CDKL3: variants seen among roughly 807,000 people sequenced by gnomAD.
CDKL3 encodes cyclin dependent kinase like 3.
CDKL3 carries 65 observed loss-of-function variants against 69.3 expected under a neutral mutation model. That is an observed-to-expected ratio of 0.94 (90% CI 0.77 to 1.15). CDKL3 has a LOEUF of 1.15. Ranked by LOEUF, CDKL3 falls within the 50% of genes most tolerant of loss-of-function variation. CDKL3 has a pLI of 0.00. For missense variants in CDKL3, 652 were observed against 689.2 expected, an observed-to-expected ratio of 0.95 and a Z score of 0.61; for synonymous variants, 202 against 221.6, an observed-to-expected ratio of 0.91 and a Z score of 0.79.
At chr5:134,304,810 C>T (rs1028930001) in intron 10 of CDKL3, among the ~76,000 whole-genome samples, 5 of 140,906 alleles carry the variant, frequency 3.5e-5, no homozygotes, top group Admixed American at 2.9e-4. Flanking sequence ...TCATGAGAAC[C>T]ACAATAATAA....
At chr5:134,371,532 G>C (rs1758410259), upstream of CDKL3, 4 of 1,577,710 alleles carry the variant, frequency 2.5e-6, no homozygotes, top group South Asian at 2.3e-5. Flanking sequence ...CCGCCGCGCC[G>C]GGGGGTGGGG....
At chr5:134,309,624 A>T (rs1768850589) in intron 7 of CDKL3, among the ~76,000 whole-genome samples, 1 of 152,174 alleles carries the variant, frequency 6.6e-6, no homozygotes, top group Non-Finnish European at 1.5e-5. Flanking sequence ...CCCCTCCTTG[A>T]AGCAGCTACA....
chr5:134,308,108 T>C, intron 9 of CDKL3, 30 bp downstream of exon 9: 1 of 1,572,880 alleles, frequency 6.4e-7, no homozygotes. Context: ...AATGTTGTAT[T>C]ATTTAGGTTT....
At chr5:134,299,636 G>C in intron 12 of CDKL3, 1 of 1,482,742 alleles carries the variant, frequency 6.7e-7, no homozygotes, top group Non-Finnish European at 9.0e-7. Context: ...TTAATAAAAA[G>C]GATTTTTAAA....
upstream of CDKL3, chr5:134,367,363 T>G: frequency 1.1e-6 from 1 of 887,444 alleles, no homozygotes. Flanking sequence ...AGGAAGGATC[T>G]GCATCTTTTT....
At chr5:134,306,403 G>A (rs1366362262) in intron 10 of CDKL3, among the ~76,000 whole-genome samples, 1 of 151,966 alleles carries the variant, frequency 6.6e-6, no homozygotes, top group Non-Finnish European at 1.5e-5. Flanking sequence ...AGGCTGAGGT[G>A]GGAGCATTGC....
chr5:134,350,104 C>T (rs1752896466), intron 4 of CDKL3, 145 bp downstream of exon 4: 10 of 553,194 alleles, frequency 1.8e-5, no homozygotes, highest in Non-Finnish European at 3.1e-5. Flanking sequence ...AGGAGAATTG[C>T]TTGAACCTGG....
At chr5:134,324,019 TA>T (rs1280463436) in intron 4 of CDKL3, among the ~76,000 whole-genome samples, 1 of 151,806 alleles carries the variant, frequency 6.6e-6, no homozygotes, top group Admixed American at 6.6e-5. Flanking sequence ...ATAACCCAAT[TA>T]AAAAATGGGC....
intron 8 of CDKL3, among the ~76,000 whole-genome samples, chr5:134,289,251 C>A (rs562270084): frequency 2.3e-4 from 34 of 150,692 alleles, no homozygotes; most frequent in African/African-American, 8.0e-4. Context: ...TATTCTGATA[C>A]CATCACATTT....
At position 134,299,759 on chromosome 5, in the gene CDKL3, T is replaced by C. The variant is rs1765864164; in HGVS notation, c.1720-1049A>G. The C allele has an allele frequency of 2.0e-6, 3 of 1,511,016 alleles. No homozygotes were observed. The South Asian group carries it at 3.6e-5, about 18-fold the overall frequency. 93.6% of individuals were successfully genotyped at this position (1,511,016 alleles called of 1,614,324 possible). ...TGTGCATTTCCTGTATTCTAAAAAGTAAATAGAAACAGGTCTTTAATTGAG... is the reference window on the plus strand; with the variant it reads ...TGTGCATTTCCTGTATTCTAAAAAGCAAATAGAAACAGGTCTTTAATTGAG... On this transcript the variant is annotated intron_variant, in intron 12 of 12. Transcript: ENST00000265334.
chr5:134,301,705 C>A (rs569196686), intron 12 of CDKL3, among the ~76,000 whole-genome samples: 2,712 of 152,026 alleles, frequency 0.018, 39 homozygotes, highest in Middle Eastern at 0.031. Context: ...CACAGTGAAA[C>A]CCCGTCTCTA....
At chr5:134,285,438 C>G (rs990019297), downstream of CDKL3, among the ~76,000 whole-genome samples, 1 of 152,252 alleles carries the variant, frequency 6.6e-6, no homozygotes, top group African/African-American at 2.4e-5. Flanking sequence ...GCTTGCTCCT[C>G]TGAAGCCACA....
intron 1 of CDKL3, 104 bp from the exon 2 acceptor site, chr5:134,366,648 T>C (rs957897655): frequency 2.1e-5 from 16 of 744,898 alleles, no homozygotes; most frequent in East Asian, 1.6e-4. Context: ...GTCTCAAATA[T>C]AGAGACATTA....
At chr5:134,333,342 C>T (rs188168792) in intron 4 of CDKL3, among the ~76,000 whole-genome samples, 4 of 152,332 alleles carry the variant, frequency 2.6e-5, no homozygotes, top group Admixed American at 2.6e-4. Flanking sequence ...GCCAGAACTT[C>T]CAATACTGTG....
chr5:134,331,916 G>T (rs953418446), intron 4 of CDKL3, among the ~76,000 whole-genome samples: 1 of 151,610 alleles, frequency 6.6e-6, no homozygotes, highest in Admixed American at 6.6e-5. Context: ...TACACTCCCA[G>T]TGTAAAAGTG....
chr5:134,368,045 A>G (rs112157927), upstream of CDKL3, among the ~76,000 whole-genome samples: 1 of 152,386 alleles, frequency 6.6e-6, no homozygotes, highest in Non-Finnish European at 1.5e-5. Flanking sequence ...CTTCCGCTAA[A>G]TAAGAGGAAA....
At chr5:134,322,044 G>A (rs951268670) in intron 4 of CDKL3, 141 bp from the exon 5 acceptor site, 10 of 610,654 alleles carry the variant, frequency 1.6e-5, no homozygotes, top group Middle Eastern at 4.2e-4. Context: ...TTTCGAGACC[G>A]AGTCTTGCTC....
intron 2 of CDKL3, among the ~76,000 whole-genome samples, chr5:134,364,804 C>T (rs904303989): frequency 1.4e-5 from 2 of 147,700 alleles, no homozygotes; most frequent in Admixed American, 1.4e-4. Flanking sequence ...TGAGCCACAG[C>T]GCCCTTTTTT....
At chr5:134,367,980 T>C (rs1361585419), upstream of CDKL3, among the ~76,000 whole-genome samples, 1 of 152,240 alleles carries the variant, frequency 6.6e-6, no homozygotes, top group Non-Finnish European at 1.5e-5. Context: ...AATAGGGCTT[T>C]CTTTGCTTTC....
Sources: gnomAD v4.1 joint callset for allele counts (sites outside exome capture counted in the v4.1 genomes callset) on GRCh38, gnomAD v4.1.1 for gene constraint, MANE v1.5 for transcripts, NCBI Gene and HGNC (gene_info 2026-07-23, HGNC 2026-07-21) for gene names.